Variants in PSD3 observed in about 807,000 individuals in gnomAD.
PSD3 encodes PH and SEC7 domain-containing protein 3.
PSD3 carries 49 observed loss-of-function variants against 105.5 expected under a neutral mutation model. The observed-to-expected ratio is 0.46, with a 90% CI of 0.37 to 0.59. The LOEUF is 0.59. PSD3 is among the 20% of genes least tolerant of loss of function. The pLI is 0.00. For synonymous variants in PSD3, 557 were observed against 457.8 expected, an observed-to-expected ratio of 1.22 and a Z score of -2.77; for missense variants, 1,561 against 1,263.8, an observed-to-expected ratio of 1.24 and a Z score of -3.57.
chr8:18,556,149 A>C (rs1445749522), intron 15 of PSD3, 60 bp downstream of exon 15: 2 of 1,585,934 alleles, frequency 1.3e-6, no homozygotes, highest in African/African-American at 2.7e-5. Flanking sequence ...ATACCGCCTC[A>C]TGGACAGATC....
intron 1 of PSD3, among the ~76,000 whole-genome samples, chr8:18,977,143 C>T (rs1001785743): frequency 6.6e-6 from 1 of 151,756 alleles, no homozygotes; most frequent in African/African-American, 2.4e-5. Flanking sequence ...GCCTGTAATC[C>T]CAGCTACTTG....
At chr8:18,820,922 A>T (rs1812647530) in intron 4 of PSD3, among the ~76,000 whole-genome samples, 1 of 152,036 alleles carries the variant, frequency 6.6e-6, no homozygotes, top group South Asian at 2.1e-4. Flanking sequence ...GCTAATTTTT[A>T]AAATGTTTGT....
chr8:18,856,083 A>T (rs1381452265), intron 4 of PSD3, among the ~76,000 whole-genome samples: 1 of 152,098 alleles, frequency 6.6e-6, no homozygotes, highest in African/African-American at 2.4e-5. Context: ...CTTCTGCCAT[A>T]GTTCAGCTCC....
intron 15 of PSD3, among the ~76,000 whole-genome samples, chr8:18,539,141 T>C (rs1303550644): frequency 1.3e-5 from 2 of 152,244 alleles, no homozygotes; most frequent in African/African-American, 4.8e-5. Context: ...AAACGTAACT[T>C]TAACTTCAGG....
At chr8:18,665,468 G>C (rs570565279) in intron 9 of PSD3, among the ~76,000 whole-genome samples, 1 of 152,346 alleles carries the variant, frequency 6.6e-6, no homozygotes, top group South Asian at 2.1e-4. Flanking sequence ...ATGAGGATTT[G>C]TATGGATGAG....
Position 19,009,831 on chromosome 8 carries a change from C to T in PSD3, c.21+3732G>A, listed in dbSNP as rs557438173. 4.6e-3 allele frequency among the ~76,000 whole-genome samples: 699 copies of T among 152,146 alleles called. 2 individuals are homozygous for T. The highest frequency in any genetic ancestry group is 8.2e-3 in the Non-Finnish European group (555 of 68,016). On this transcript the variant is annotated intron_variant, in intron 1 of 15. Coordinates refer to ENST00000327040, the MANE Select transcript of PSD3 (RefSeq NM_015310.4). ...GCTTGAGTCTGAGAGGCAGGGGTTG[C>T]AGTGAGCTGAGATCGCACCATTGCA...
chr8:19,039,391 T>C lies in PSD3; in HGVS notation c.324+44815A>G, dbSNP rs568249856. 7.2e-5 allele frequency among the ~76,000 whole-genome samples: 11 copies of C among 152,324 alleles called. No homozygotes were observed. In the South Asian group the frequency reaches 1.5e-3, roughly 20 times the overall value. The stretch of plus-strand genomic sequence containing the variant: ...TCCCAGTGACATCTCAAGCTCAGCA[T>C]GTCCCAAGCTGAATTTATCATCTTC... On this transcript the variant is annotated intron_variant, in intron 1 of 1. Transcript: ENST00000521475.
intron 12 of PSD3, among the ~76,000 whole-genome samples, chr8:18,599,858 T>C (rs1164827029): frequency 6.6e-6 from 1 of 152,208 alleles, no homozygotes; most frequent in Non-Finnish European, 1.5e-5. Context: ...CGGTATACTA[T>C]GTTTTCTCCT....
At chr8:18,543,792 T>C (rs907599898) in intron 15 of PSD3, among the ~76,000 whole-genome samples, 6 of 152,210 alleles carry the variant, frequency 3.9e-5, no homozygotes, top group East Asian at 1.9e-4. Flanking sequence ...ATTACAACTA[T>C]TGATATTCTT....
chr8:18,602,260 A>C (rs1177636035), intron 11 of PSD3, among the ~76,000 whole-genome samples: 1 of 152,126 alleles, frequency 6.6e-6, no homozygotes, highest in Admixed American at 6.5e-5. Flanking sequence ...CATGTTTACA[A>C]AATTTTAAAC....
chr8:18,732,866 T>C (rs1030989573), intron 9 of PSD3: 5 of 152,176 alleles, frequency 3.3e-5, no homozygotes, highest in South Asian at 4.2e-4. Flanking sequence ...AGCCCCACTA[T>C]TGTGAACCAC....
At chr8:18,537,852 T>A (rs568342503) in intron 15 of PSD3, among the ~76,000 whole-genome samples, 14 of 152,282 alleles carry the variant, frequency 9.2e-5, no homozygotes, top group African/African-American at 3.4e-4. Flanking sequence ...AATTTTTGTA[T>A]TTTTAGTAGA....
At chr8:18,702,637 G>T (rs1261861586) in intron 9 of PSD3, among the ~76,000 whole-genome samples, 2 of 151,490 alleles carry the variant, frequency 1.3e-5, no homozygotes, top group Admixed American at 1.3e-4. Flanking sequence ...TTTTGAGATG[G>T]AATCTCGCTC....
chr8:18,908,490 C>T (rs1819987096), intron 2 of PSD3, among the ~76,000 whole-genome samples: 1 of 152,144 alleles, frequency 6.6e-6, no homozygotes, highest in Admixed American at 6.5e-5. Flanking sequence ...AATGAGCATA[C>T]CTGGAAAAAG....
intron 12 of PSD3, among the ~76,000 whole-genome samples, chr8:18,595,071 T>C (rs1485943002): frequency 6.6e-6 from 1 of 152,014 alleles, no homozygotes. Flanking sequence ...ACTTTACCTA[T>C]AAATATACAT....
rs1799484732 is a variant in PSD3, at chr8:18,527,840, T to G, written c.*7903A>C. 6.6e-6 allele frequency: 1 copy of G among 152,378 alleles called. No homozygotes were observed. The highest frequency in any genetic ancestry group is 1.5e-5 in the Non-Finnish European group (1 of 68,032). The allele number at this position is 152,378 out of a possible 1,614,324, so 9.4% of individuals were successfully genotyped here. A position where few individuals can be genotyped will look rare whatever the true frequency, so the allele number is the denominator to read the frequency against. ...CCGCCAGCTTACCCAAAACTGCTAA[T>G]GCCGACAGTTTCGCCATTGAAAAGG... On this transcript the variant is annotated 3_prime_UTR_variant, in exon 16 of 16. Transcript: ENST00000327040.
At chr8:18,903,639 G>A (rs1331283148) in intron 2 of PSD3, among the ~76,000 whole-genome samples, 1 of 152,166 alleles carries the variant, frequency 6.6e-6, no homozygotes, top group Non-Finnish European at 1.5e-5. Flanking sequence ...CCAGGGATGT[G>A]TAGCTACTTA....
In PSD3 at chr8:18,575,154, G is replaced by A; in HGVS notation, c.2613C>T (p.Asp871=). ...KPNVFKLKTA[D]WRVLLFQTQS... ...GAGTTTGAAAAAGCAAGACCCTCCA[G>A]TCGGCAGTTTTAAGTTTAAACACGT... The change falls in exon 13 of 16, where the codon GAC becomes GAT. Residue 871 remains aspartate (D), a synonymous_variant. Transcript: ENST00000327040. 6.2e-7 allele frequency: 1 copy of A among 1,613,306 alleles called. No individual in the cohort carries two copies. The highest frequency in any genetic ancestry group is 8.5e-7 in the Non-Finnish European group (1 of 1,179,676).
chr8:18,556,058 G>A, intron 15 of PSD3, 151 bp downstream of exon 15: 1 of 804,686 alleles, frequency 1.2e-6, no homozygotes, highest in Non-Finnish European at 1.9e-6. Context: ...CAAACAAGAG[G>A]GGCCACCATG....
Sources: allele counts gnomAD v4.1 joint callset (sites outside exome capture counted in the v4.1 genomes callset), GRCh38; gene constraint gnomAD v4.1.1; transcripts MANE v1.5; gene names NCBI Gene and HGNC (gene_info 2026-07-23, HGNC 2026-07-21).